STK32C: variants seen among roughly 807,000 people sequenced by gnomAD.
STK32C encodes the protein serine/threonine kinase 32C, also known as serine/threonine-protein kinase 32C.
A neutral mutation model predicts 56.5 loss-of-function variants in STK32C; 31 were observed. The ratio of observed to expected loss-of-function variants is 0.55; its 90% CI spans 0.41 to 0.74. The LOEUF (loss-of-function observed/expected upper bound fraction) is 0.74, where lower values mean the gene tolerates loss of function less well. Among genes scored for constraint, STK32C ranks in the 30% least tolerant of loss-of-function variants. The probability of loss-of-function intolerance (pLI) is 0.00; values close to 1 mark genes in which losing one functional copy is unlikely to be tolerated. For missense variants in STK32C, 544 were observed against 676.9 expected (o/e 0.80, Z 2.18); for synonymous variants, 309 against 289.4 (o/e 1.07, Z -0.69).
In STK32C at chr10:132,265,370, A is replaced by G. The variant is rs547893031; in HGVS notation, c.263-19415T>C. 3.8e-3 allele frequency among the ~76,000 whole-genome samples: 577 copies of G among 152,304 alleles called. 7 individuals are homozygous for G. Among genetic ancestry groups the G allele is most frequent in the African/African-American group, 0.013 (547 of 41,570 alleles). The stretch of plus-strand genomic sequence containing the variant: ...GCCACACTCAGCCCAGGCCTGGCCC[A>G]TCACAGCGAGGGTGTCCAGGAAGAG... On this transcript the variant is annotated intron_variant, in intron 1 of 11. Transcript: ENST00000298630.
chr10:132,305,050 A>AG (rs1409591063), intron 1 of STK32C, among the ~76,000 whole-genome samples: 1 of 152,244 alleles, frequency 6.6e-6, no homozygotes, highest in Non-Finnish European at 1.5e-5. Context: ...AGAGGAATGA[A>AG]GGGGCTCGCC....
chr10:132,292,989 C>T (rs534144677), intron 1 of STK32C, among the ~76,000 whole-genome samples: 3 of 152,306 alleles, frequency 2.0e-5, no homozygotes, highest in Non-Finnish European at 4.4e-5. Context: ...GGACACAAGA[C>T]TGAGCCAAGG....
At chr10:132,263,865 C>CAAAAAAAA (rs71472732) in intron 1 of STK32C, among the ~76,000 whole-genome samples, 2 of 75,916 alleles carry the variant, frequency 2.6e-5, no homozygotes, top group African/African-American at 5.3e-5. Flanking sequence ...GACTCCATCT[C>CAAAAAAAA]AAAAAAAAAA....
At chr10:132,213,023 C>G (rs923994338) in intron 10 of STK32C, among the ~76,000 whole-genome samples, 1 of 152,220 alleles carries the variant, frequency 6.6e-6, no homozygotes, top group African/African-American at 2.4e-5. Context: ...ATGAGGCCCC[C>G]AACGTTTTGT....
chr10:132,222,522 G>A (rs1271508819), intron 10 of STK32C, 119 bp downstream of exon 10: 6 of 1,303,510 alleles, frequency 4.6e-6, no homozygotes, highest in East Asian at 5.0e-5. Flanking sequence ...TTCAGGAAAC[G>A]GTCTGCTGGA....
intron 1 of STK32C, among the ~76,000 whole-genome samples, chr10:132,266,463 T>C (rs2064532436): frequency 2.0e-5 from 3 of 152,198 alleles, no homozygotes; most frequent in East Asian, 3.9e-4. Flanking sequence ...CCCTTGACTG[T>C]AATTATACCT....
chr10:132,331,394 ATCT>A (rs2066728213), intron 1 of STK32C: 1 of 1,566,812 alleles, frequency 6.4e-7, no homozygotes, highest in Non-Finnish European at 8.7e-7. Context: ...GTGTCATTTC[ATCT>A]TCTTCCAAAT....
chr10:132,319,062 C>T (rs2138453150), downstream of STK32C, among the ~76,000 whole-genome samples: 1 of 152,324 alleles, frequency 6.6e-6, no homozygotes, highest in African/African-American at 2.4e-5. Context: ...AATTCTCCTG[C>T]CTCAGCCTCC....
At chr10:132,260,926 A>C (rs1158073299) in intron 1 of STK32C, among the ~76,000 whole-genome samples, 3 of 152,228 alleles carry the variant, frequency 2.0e-5, no homozygotes, top group Non-Finnish European at 4.4e-5. Context: ...GAACCCCGTC[A>C]GGACGCTCAT....
At chr10:132,242,300 G>A (rs1047833464) in intron 2 of STK32C, among the ~76,000 whole-genome samples, 4 of 152,096 alleles carry the variant, frequency 2.6e-5, no homozygotes, top group African/African-American at 7.2e-5. Flanking sequence ...CCCAGGACAC[G>A]GGACGAGTGG....
chr10:132,329,461 T>C (rs1315307482), intron 1 of STK32C, among the ~76,000 whole-genome samples: 1 of 151,996 alleles, frequency 6.6e-6, no homozygotes, highest in Non-Finnish European at 1.5e-5. Flanking sequence ...ATTCTCATGG[T>C]AGATAAAGAA....
At chr10:132,310,484 C>G (rs2066199345), upstream of STK32C, among the ~76,000 whole-genome samples, 1 of 152,130 alleles carries the variant, frequency 6.6e-6, no homozygotes, top group Admixed American at 6.5e-5. This position sits in a 1 kb window ranked among gnomAD's most constrained non-coding sequence, Gnocchi z 4.6. Flanking sequence ...GAACTGCTGT[C>G]CCCAAGAGGA....
intron 1 of STK32C, among the ~76,000 whole-genome samples, chr10:132,260,526 G>A (rs1353806583): frequency 1.3e-5 from 2 of 152,228 alleles, no homozygotes; most frequent in African/African-American, 4.8e-5. Context: ...GCTGGGCACC[G>A]TTGTCGGGTC....
chr10:132,219,880 G>C (rs1000538635), intron 10 of STK32C, among the ~76,000 whole-genome samples: 2 of 152,126 alleles, frequency 1.3e-5, no homozygotes, highest in Non-Finnish European at 2.9e-5. Context: ...GAGGCTGCAC[G>C]GGGGCTGAGG....
chr10:132,218,924 T>C lies in STK32C; in HGVS notation c.1251+3717A>G, dbSNP rs189758582. Among the ~76,000 whole-genome samples the C allele has an allele frequency of 2.4e-3, 367 of 152,272 alleles. 3 individuals carry two copies. The highest frequency in any genetic ancestry group is 8.5e-3 in the African/African-American group (353 of 41,552). On this transcript the variant is annotated intron_variant, in intron 10 of 11. Transcript: ENST00000298630. ...ACGTGGACGGGCCTCAAAAGCATCCTGCGAAGTGAAAGAAGCCAGCTGCAA... is the reference window on the plus strand; with the variant it reads ...ACGTGGACGGGCCTCAAAAGCATCCCGCGAAGTGAAAGAAGCCAGCTGCAA...
In STK32C at chr10:132,218,180, T is replaced by C. The variant is rs1400494824; in HGVS notation, c.1251+4461A>G. ...AAATTTTTTTCAAATGAGCCAGGTG[T>C]GGTGGTGCACACCCACAGTTCCAGC... On this transcript the variant is annotated intron_variant, in intron 10 of 11. Transcript: ENST00000298630. Among the ~76,000 whole-genome samples the C allele has an allele frequency of 3.9e-5, 6 of 152,082 alleles. No homozygotes were observed. The East Asian group carries it at 1.2e-3, about 30-fold the overall frequency.
At chr10:132,259,744 T>A (rs1352710295) in intron 1 of STK32C, among the ~76,000 whole-genome samples, 2 of 152,174 alleles carry the variant, frequency 1.3e-5, no homozygotes, top group African/African-American at 4.8e-5. Flanking sequence ...TCTCAGGTAG[T>A]TCTAGCAATG....
chr10:132,237,663 G>A (rs561825258), intron 2 of STK32C, among the ~76,000 whole-genome samples: 36 of 152,270 alleles, frequency 2.4e-4, no homozygotes, highest in African/African-American at 7.9e-4. Flanking sequence ...GGCTGGCCCC[G>A]GTGCAGCTCC....
intron 1 of STK32C, among the ~76,000 whole-genome samples, chr10:132,297,106 G>A (rs928122644): frequency 2.6e-5 from 4 of 152,226 alleles, no homozygotes; most frequent in Non-Finnish European, 5.9e-5. Context: ...GCTTCTGGGC[G>A]GGTGACAGTC....
Sources: gnomAD v4.1 joint callset for allele counts (sites outside exome capture counted in the v4.1 genomes callset) on GRCh38, gnomAD v4.1.1 for gene constraint, Gnocchi (gnomAD v3.1) non-coding constraint, MANE v1.5 for transcripts, NCBI Gene and HGNC (gene_info 2026-07-23, HGNC 2026-07-21) for gene names.